Variants in SLC39A11 observed in about 807,000 individuals in gnomAD.
SLC39A11 encodes solute carrier family 39 member 11.
A neutral mutation model predicts 36.1 loss-of-function variants in SLC39A11; 33 were observed. That is an observed-to-expected ratio of 0.91 (90% CI 0.69 to 1.22). The LOEUF (loss-of-function observed/expected upper bound fraction) is 1.22, where lower values mean the gene tolerates loss of function less well. Ranked by LOEUF, SLC39A11 falls within the 50% of genes most tolerant of loss-of-function variation. SLC39A11 has a pLI of 0.00. For synonymous variants in SLC39A11, 166 were observed against 170.3 expected (o/e 0.97, Z 0.20); for missense variants, 432 against 430.3 (o/e 1.00, Z -0.03).
At chr17:72,939,458 G>GAAAAA (rs3064732) in intron 5 of SLC39A11, among the ~76,000 whole-genome samples, 1 of 145,504 alleles carries the variant, frequency 6.9e-6, no homozygotes, top group African/African-American at 2.6e-5. Context: ...GTTCCGTCTC[G>GAAAAA]AAAAAAAAAA....
chr17:72,926,948 TA>T (rs1472783482), intron 5 of SLC39A11, among the ~76,000 whole-genome samples: 1 of 146,786 alleles, frequency 6.8e-6, no homozygotes, highest in Admixed American at 6.6e-5. Context: ...AATTACTGAA[TA>T]AAAGAGACCA....
chr17:72,697,214 T>C (rs1362730335), intron 7 of SLC39A11, among the ~76,000 whole-genome samples: 2 of 152,248 alleles, frequency 1.3e-5, no homozygotes, highest in Middle Eastern at 3.4e-3. Context: ...TCCTGAGTAG[T>C]TGGGACTACA....
intron 5 of SLC39A11, among the ~76,000 whole-genome samples, chr17:72,938,597 CT>C (rs1434299451): frequency 1.3e-5 from 2 of 152,202 alleles, no homozygotes; most frequent in Non-Finnish European, 2.9e-5. Flanking sequence ...AAAATAACTG[CT>C]GCAAAACAAA....
chr17:73,079,540 T>C (rs999748770), intron 3 of SLC39A11, among the ~76,000 whole-genome samples: 1 of 152,054 alleles, frequency 6.6e-6, no homozygotes, highest in Admixed American at 6.6e-5. Context: ...ACCAACATTA[T>C]ACTGAAAGGG....
At chr17:73,037,464 G>A (rs1429098677) in intron 3 of SLC39A11, among the ~76,000 whole-genome samples, 1 of 152,218 alleles carries the variant, frequency 6.6e-6, no homozygotes, top group East Asian at 1.9e-4. Context: ...GGCCTGGAAC[G>A]GGCAGGCCAC....
intron 7 of SLC39A11, among the ~76,000 whole-genome samples, chr17:72,682,317 G>C (rs1161352713): frequency 3.3e-5 from 4 of 122,854 alleles, no homozygotes; most frequent in Non-Finnish European, 6.4e-5. Flanking sequence ...CCAGTCCATG[G>C]AAAAATTGTC....
At chr17:73,018,087 C>A (rs965440755) in intron 4 of SLC39A11, among the ~76,000 whole-genome samples, 1 of 152,184 alleles carries the variant, frequency 6.6e-6, no homozygotes, top group Admixed American at 6.5e-5. Context: ...CGAGTAAAAG[C>A]TACTCTATAC....
At chr17:73,002,541 C>A (rs2089880927) in intron 4 of SLC39A11, among the ~76,000 whole-genome samples, 1 of 152,182 alleles carries the variant, frequency 6.6e-6, no homozygotes, top group African/African-American at 2.4e-5. Flanking sequence ...GCTGGTCAGA[C>A]AGGGTCAGAG....
rs566942186 is a variant in SLC39A11 at position 73,074,448 on chromosome 17, C to T, written c.147+10360G>A. 2.0e-5 allele frequency among the ~76,000 whole-genome samples: 3 copies of T among 152,168 alleles called. No homozygotes were observed. In the South Asian group the frequency reaches 6.2e-4, roughly 32 times the overall value. ...GAGTAGCTGGGATTAAATGCGCCCA[C>T]CACCACGCCCGGCTAATTTTTTGTA... On this transcript the variant is annotated intron_variant, in intron 3 of 9. Transcript: ENST00000255559.
chr17:72,673,385 G>A (rs747054993), intron 7 of SLC39A11, among the ~76,000 whole-genome samples: 47 of 152,172 alleles, frequency 3.1e-4, no homozygotes, highest in Non-Finnish European at 5.9e-4. Context: ...TTACAAGTGT[G>A]AGCCACCGTG....
rs374293976 is a variant in SLC39A11, at chr17:72,938,430, T to C, written c.430+9322A>G. Among the ~76,000 whole-genome samples the C allele has an allele frequency of 1.6e-4, 25 of 152,308 alleles. 1 individual carries two copies. In the East Asian group the frequency reaches 4.6e-3, roughly 28 times the overall value. On this transcript the variant is annotated intron_variant, in intron 5 of 9. Coordinates refer to ENST00000255559, the MANE Select transcript of SLC39A11 (RefSeq NM_139177.4). Reference sequence around the variant, plus strand: ...AACTGCTGTCAATTTCCTCCCAGCTTCACAGGCTCAAATCCAGCCTTCTGT... The same window carrying C: ...AACTGCTGTCAATTTCCTCCCAGCTCCACAGGCTCAAATCCAGCCTTCTGT...
intron 7 of SLC39A11, among the ~76,000 whole-genome samples, chr17:72,667,337 A>G (rs961706629): frequency 6.6e-6 from 1 of 152,078 alleles, no homozygotes; most frequent in African/African-American, 2.4e-5. Flanking sequence ...TGGCCTGCTG[A>G]CTCTAGGTGC....
At chr17:72,994,421 A>C (rs1187196710) in intron 4 of SLC39A11, among the ~76,000 whole-genome samples, 1 of 152,184 alleles carries the variant, frequency 6.6e-6, no homozygotes, top group Non-Finnish European at 1.5e-5. Flanking sequence ...AAAAAGAGGT[A>C]ATTATAAAAG....
At chr17:73,076,013 G>C (rs1285543124) in intron 3 of SLC39A11, among the ~76,000 whole-genome samples, 1 of 152,194 alleles carries the variant, frequency 6.6e-6, no homozygotes, top group African/African-American at 2.4e-5. Context: ...AGAACACCTT[G>C]TACACAGTAA....
intron 5 of SLC39A11, among the ~76,000 whole-genome samples, chr17:72,909,071 G>T (rs8081948): frequency 0.09 from 13,732 of 152,254 alleles, 656 homozygotes; most frequent in South Asian, 0.14. Context: ...CCTAAGAGCA[G>T]GTTGCCTCAG....
intron 4 of SLC39A11, among the ~76,000 whole-genome samples, chr17:72,956,968 G>A (rs530128289): frequency 6.6e-6 from 1 of 152,264 alleles, no homozygotes; most frequent in African/African-American, 2.4e-5. Flanking sequence ...TCTGAGGTCA[G>A]CTGGTGGCTC....
Position 73,086,339 on chromosome 17 carries a change from A to ATT in SLC39A11, c.109-1495_109-1494dup, listed in dbSNP as rs34812115. ...ATAAGCATCTTCTATTTCAATACAG[A>ATT]TTTTTTTTTTTTTGCTATCTATCCA... On this transcript the variant is annotated intron_variant, in intron 2 of 9. Transcript: ENST00000255559. Among the ~76,000 whole-genome samples the ATT allele has an allele frequency of 8.5e-3, 1,244 of 147,188 alleles. 18 individuals are homozygous for ATT. The highest frequency in any genetic ancestry group is 0.027 in the African/African-American group (1,103 of 40,338).
At chr17:73,045,940 G>A (rs2059273278) in intron 3 of SLC39A11, among the ~76,000 whole-genome samples, 1 of 152,138 alleles carries the variant, frequency 6.6e-6, no homozygotes, top group Admixed American at 6.6e-5. Flanking sequence ...GTCTGTTGAT[G>A]GGCATCGCAC....
At chr17:72,657,900 A>G (rs1174679547) in intron 7 of SLC39A11, among the ~76,000 whole-genome samples, 2 of 152,222 alleles carry the variant, frequency 1.3e-5, no homozygotes, top group South Asian at 2.1e-4. Flanking sequence ...CTAGAGAGCC[A>G]GCTTCCCTGA....
Sources: allele counts gnomAD v4.1 joint callset (sites outside exome capture counted in the v4.1 genomes callset), GRCh38; gene constraint gnomAD v4.1.1; transcripts MANE v1.5; gene names NCBI Gene and HGNC (gene_info 2026-07-23, HGNC 2026-07-21).